GTF2F2: variants seen among roughly 807,000 people sequenced by gnomAD.
GTF2F2 encodes ATP-dependent helicase GTF2F2.
Under a neutral mutation model 42.2 loss-of-function variants are expected in GTF2F2, and 23 were observed. The ratio of observed to expected loss-of-function variants is 0.55; its 90% confidence interval spans 0.39 to 0.77. GTF2F2 has a LOEUF of 0.77. Among genes scored for constraint, GTF2F2 ranks in the 30% least tolerant of loss-of-function variants. GTF2F2 has a pLI of 0.00. For missense variants in GTF2F2, 261 were observed against 287.2 expected, an observed-to-expected ratio of 0.91 and a Z score of 0.66; for synonymous variants, 105 against 100.8, an observed-to-expected ratio of 1.04 and a Z score of -0.25.
chr13:45,174,229 A>C (rs1481031535), intron 4 of GTF2F2, among the ~76,000 whole-genome samples: 2 of 152,160 alleles, frequency 1.3e-5, no homozygotes, highest in Admixed American at 1.3e-4. Flanking sequence ...CCAAGAGTGC[A>C]TTTGCTGGGT....
At chr13:45,259,977 TCA>T (rs1232647644) in intron 6 of GTF2F2, among the ~76,000 whole-genome samples, 1 of 151,762 alleles carries the variant, frequency 6.6e-6, no homozygotes, top group Non-Finnish European at 1.5e-5. Flanking sequence ...TTTCTCTCTC[TCA>T]TTTTTTTTTT....
At chr13:45,174,696 A>G (rs1871788518) in intron 4 of GTF2F2, among the ~76,000 whole-genome samples, 1 of 144,308 alleles carries the variant, frequency 6.9e-6, no homozygotes, top group Admixed American at 7.1e-5. Context: ...TGGATACATG[A>G]CATACCTGGA....
chr13:45,213,674 C>CT lies in GTF2F2; in HGVS notation c.386+6179dup, dbSNP rs147572898. On this transcript the variant is annotated intron_variant, in intron 5 of 7. Coordinates refer to ENST00000340473, the MANE Select transcript of GTF2F2 (RefSeq NM_004128.3). ...TCTCCCTGTCTCCTTTCCTTCCTTT[C>CT]TTTTTTTTTTGTGTAAATATCCAAA... 9.5e-4 allele frequency among the ~76,000 whole-genome samples: 141 copies of CT among 148,842 alleles called. No homozygotes were observed. In the South Asian group the frequency reaches 0.011, roughly 12 times the overall value.
chr13:45,255,133 T>C (rs932053048), intron 6 of GTF2F2, among the ~76,000 whole-genome samples: 4 of 123,854 alleles, frequency 3.2e-5, no homozygotes, highest in Non-Finnish European at 6.3e-5. Flanking sequence ...ACCATTGCAC[T>C]CCAGCCTGGG....
chr13:45,234,969 C>A (rs1214370460), intron 5 of GTF2F2, among the ~76,000 whole-genome samples: 1 of 141,304 alleles, frequency 7.1e-6, no homozygotes, highest in South Asian at 2.2e-4. Flanking sequence ...CGCCTGAACC[C>A]AGGAGGCAGA....
At chr13:45,149,874 G>A in intron 3 of GTF2F2, 86 bp downstream of exon 3, 2 of 1,303,330 alleles carry the variant, frequency 1.5e-6, no homozygotes, top group Non-Finnish European at 2.1e-6. Context: ...TTGAATTTTG[G>A]AAAACTCCAC....
At chr13:45,201,048 G>A (rs909020668) in intron 4 of GTF2F2, among the ~76,000 whole-genome samples, 2 of 152,220 alleles carry the variant, frequency 1.3e-5, no homozygotes, top group Non-Finnish European at 2.9e-5. Context: ...AAATGAATGA[G>A]TGTAACTTCC....
At chr13:45,208,557 G>C (rs1485517455) in intron 5 of GTF2F2, among the ~76,000 whole-genome samples, 1 of 152,166 alleles carries the variant, frequency 6.6e-6, no homozygotes, top group Non-Finnish European at 1.5e-5. Flanking sequence ...ACCTTCCATT[G>C]TCGCAGATTG....
intron 5 of GTF2F2, among the ~76,000 whole-genome samples, chr13:45,220,329 A>T (rs1258323777): frequency 6.6e-6 from 1 of 152,200 alleles, no homozygotes; most frequent in Non-Finnish European, 1.5e-5. Flanking sequence ...CATCTAGTGT[A>T]TACTAAGCAG....
chr13:45,197,297 G>A (rs1343997076), intron 4 of GTF2F2, among the ~76,000 whole-genome samples: 1 of 149,050 alleles, frequency 6.7e-6, no homozygotes, highest in Non-Finnish European at 1.5e-5. Context: ...AGGAGTTTGA[G>A]ACCAGCCTGG....
intron 1 of GTF2F2, among the ~76,000 whole-genome samples, chr13:45,121,622 AT>A (rs1479077101): frequency 6.6e-6 from 1 of 152,146 alleles, no homozygotes; most frequent in African/African-American, 2.4e-5. Flanking sequence ...GTGTAGAGTG[AT>A]TTTGTGTTCA....
chr13:45,125,232 G>T lies in GTF2F2; in HGVS notation c.66+4511G>T, dbSNP rs563729358. ...AGGTTAATTATCTTGCCTAAGCATGGAAATAGTGATTCAAATTTGTTAGGC... is the reference window on the plus strand; with the variant it reads ...AGGTTAATTATCTTGCCTAAGCATGTAAATAGTGATTCAAATTTGTTAGGC... On this transcript the variant is annotated intron_variant, in intron 1 of 7. Transcript: ENST00000340473. Among the ~76,000 whole-genome samples, 6 of 152,320 alleles carry T rather than the reference G, an allele frequency of 3.9e-5. No individual in the cohort carries two copies. The East Asian group carries it at 9.6e-4, about 24-fold the overall frequency.
intron 5 of GTF2F2, among the ~76,000 whole-genome samples, chr13:45,228,889 C>T (rs913815159): frequency 3.3e-5 from 5 of 152,134 alleles, no homozygotes; most frequent in East Asian, 1.9e-4. Flanking sequence ...AGGTTGGTCT[C>T]GAACTTCCAG....
intron 2 of GTF2F2, among the ~76,000 whole-genome samples, chr13:45,144,816 T>C (rs1870113389): frequency 2.0e-5 from 3 of 152,338 alleles, no homozygotes; most frequent in Admixed American, 6.5e-5. Flanking sequence ...ATTTTTCTGT[T>C]ATAAAATTGA....
At position 45,284,350 on chromosome 13, in the gene GTF2F2, A is replaced by C. The variant is rs2138284731; in HGVS notation, c.*789A>C. 1 of 152,324 alleles carries C rather than the reference A, an allele frequency of 6.6e-6. No homozygotes were observed. Among genetic ancestry groups the C allele is most frequent in the East Asian group, 1.9e-4 (1 of 5,190 alleles). 9.4% of individuals were successfully genotyped at this position (152,324 alleles called of 1,614,324 possible). On this transcript the variant is annotated 3_prime_UTR_variant, in exon 8 of 8. Transcript: ENST00000340473. The stretch of plus-strand genomic sequence containing the variant: ...CCATCACATGGCAAATGATATCAGC[A>C]AATCAAAAGATGGGCGTAGGGGTCC...
chr13:45,171,666 T>C (rs1244677276), intron 4 of GTF2F2, among the ~76,000 whole-genome samples: 1 of 152,186 alleles, frequency 6.6e-6, no homozygotes, highest in Non-Finnish European at 1.5e-5. Context: ...CCATTTAAAG[T>C]GTACAAGTGA....
At chr13:45,124,110 T>C in intron 1 of GTF2F2, 1 of 748,504 alleles carries the variant, frequency 1.3e-6, no homozygotes, top group South Asian at 1.4e-5. Context: ...AAGTGGTCGT[T>C]GAGGGCAATG....
At chr13:45,148,339 A>G (rs2077225575) in intron 2 of GTF2F2, among the ~76,000 whole-genome samples, 2 of 152,192 alleles carry the variant, frequency 1.3e-5, no homozygotes, top group Admixed American at 6.5e-5. Context: ...TGTATTTTGT[A>G]CTGTGATATT....
chr13:45,223,262 TA>T (rs60690884), intron 5 of GTF2F2, among the ~76,000 whole-genome samples: 34,923 of 95,514 alleles, frequency 0.37, 4,308 homozygotes, highest in East Asian at 0.69. Context: ...CTTGTCTCAA[TA>T]AAAAAAAAAA....
Sources: allele counts gnomAD v4.1 joint callset (sites outside exome capture counted in the v4.1 genomes callset), GRCh38; gene constraint gnomAD v4.1.1; transcripts MANE v1.5; gene names NCBI Gene and HGNC (gene_info 2026-07-23, HGNC 2026-07-21).